Variants in SH2B3 observed in about 807,000 individuals in gnomAD.
SH2B3 encodes the protein SH2B adaptor protein 3.
Under a neutral mutation model 51.9 loss-of-function variants are expected in SH2B3, and 43 were observed. The observed-to-expected ratio is 0.83, with a 90% CI of 0.65 to 1.07. The LOEUF (loss-of-function observed/expected upper bound fraction) is 1.07. SH2B3 is among the 50% of genes least tolerant of loss of function. SH2B3 has a pLI of 0.00. For missense variants in SH2B3, 952 were observed against 834.3 expected (o/e 1.14, Z -1.74); for synonymous variants, 396 against 376.0 (o/e 1.05, Z -0.62).
At chr12:111,433,463 A>C (rs1010986613) in intron 2 of SH2B3, among the ~76,000 whole-genome samples, 1 of 152,214 alleles carries the variant, frequency 6.6e-6, no homozygotes, top group African/African-American at 2.4e-5. Context: ...CAGTTTCTCC[A>C]TGTCCTTGCC....
intron 2 of SH2B3, among the ~76,000 whole-genome samples, chr12:111,445,269 C>G (rs572334821): frequency 6.6e-6 from 1 of 152,294 alleles, no homozygotes; most frequent in Non-Finnish European, 1.5e-5. Flanking sequence ...GGGGGCCAGG[C>G]AGGGCCAACT....
intron 1 of SH2B3, among the ~76,000 whole-genome samples, chr12:111,417,460 T>TTTATTTATTTATTTA (rs373760892): frequency 2.0e-5 from 3 of 147,132 alleles, no homozygotes; most frequent in Non-Finnish European, 3.0e-5. Flanking sequence ...AGGGCCTTTA[T>TTTATTTATTTATTTA]TTTATTTATT....
intron 2 of SH2B3, among the ~76,000 whole-genome samples, chr12:111,422,948 C>G (rs960596817): frequency 6.6e-6 from 1 of 152,190 alleles, no homozygotes; most frequent in African/African-American, 2.4e-5. Flanking sequence ...CTGTCCGCCT[C>G]GGCCTCCCAA....
rs923224333 is a variant in SH2B3, at chr12:111,409,619, G to T, written c.-28+3342G>T. 6.6e-6 allele frequency among the ~76,000 whole-genome samples: 1 copy of T among 152,178 alleles called. No homozygotes were observed. The highest frequency in any genetic ancestry group is 2.1e-4 in the South Asian group (1 of 4,830). ...GCCCAGGGGAAGTGACTCAGCCGGG[G>T]TCACTTGCTGAGTCAGGCCTTATTG... On this transcript the variant is annotated intron_variant, in intron 1 of 7. Coordinates refer to ENST00000341259, the MANE Select transcript of SH2B3 (RefSeq NM_005475.3). This position sits in a 1 kb window ranked among gnomAD's most constrained non-coding sequence, Gnocchi z 4.0.
At position 111,418,345 on chromosome 12, in the gene SH2B3, T is replaced by C; in HGVS notation, c.200T>C (p.Phe67Ser). 6.6e-7 allele frequency: 1 copy of C among 1,523,676 alleles called. No individual in the cohort carries two copies. The highest frequency in any genetic ancestry group is 8.8e-7 in the Non-Finnish European group (1 of 1,141,286). The allele number at this position is 1,523,676 out of a possible 1,614,324, so 94.4% of individuals were successfully genotyped here. A position where few individuals can be genotyped will look rare whatever the true frequency, so the allele number is the denominator to read the frequency against. Residue 67 changes from phenylalanine (F) to serine (S), a missense_variant, in exon 2 of 8, where the codon TTC (phenylalanine) becomes TCC (serine). Physicochemically the swap from Phe to Ser is radical, Grantham distance 155 (BLOSUM62 -2). Coordinates refer to ENST00000341259, the MANE Select transcript of SH2B3 (RefSeq NM_005475.3). The surrounding 1 kb of genome is among the most constrained non-coding windows in gnomAD (Gnocchi z 6.7). ...PLRAELVSLQ[F>S]TDLFQRYFCR... ...CGCGCCGAGCTGGTGTCGCTGCAGT[T>C]CACCGACCTCTTCCAGCGCTACTTC... is the stretch of plus-strand genomic sequence containing the variant.
rs1274972871 is a variant in SH2B3 at position 111,435,489 on chromosome 12, T to G, written c.733-11264T>G. The stretch of plus-strand genomic sequence containing the variant: ...GATTCTCGTGCCTCAGCCTCCTGAG[T>G]AGCTGGGACTACACATGCACCACCA... On this transcript the variant is annotated intron_variant, in intron 2 of 7. Coordinates refer to ENST00000341259, the MANE Select transcript of SH2B3 (RefSeq NM_005475.3). This position sits in a 1 kb window ranked among gnomAD's most constrained non-coding sequence, Gnocchi z 4.8. Among the ~76,000 whole-genome samples the G allele has an allele frequency of 6.6e-6, 1 of 152,194 alleles. No individual in the cohort carries two copies. The highest frequency in any genetic ancestry group is 1.5e-5 in the Non-Finnish European group (1 of 68,032).
chr12:111,439,230 A>G (rs1257079913), intron 2 of SH2B3, among the ~76,000 whole-genome samples: 3 of 147,076 alleles, frequency 2.0e-5, no homozygotes, highest in Admixed American at 6.7e-5. Flanking sequence ...GCTCACCACA[A>G]CCTCTGCCTC....
chr12:111,433,317 C>A (rs1191368497), intron 2 of SH2B3, among the ~76,000 whole-genome samples: 1 of 152,072 alleles, frequency 6.6e-6, no homozygotes, highest in African/African-American at 2.4e-5. Context: ...TGCCATTGCA[C>A]TCCAGCCTGG....
chr12:111,423,002 G>A (rs1442452179), intron 2 of SH2B3, among the ~76,000 whole-genome samples: 2 of 152,058 alleles, frequency 1.3e-5, no homozygotes, highest in African/African-American at 2.4e-5. Flanking sequence ...TGGCCAGGAG[G>A]TCACTTACTT....
chr12:111,432,018 G>A (rs182294731), intron 2 of SH2B3, among the ~76,000 whole-genome samples: 1 of 152,192 alleles, frequency 6.6e-6, no homozygotes, highest in South Asian at 2.1e-4. Flanking sequence ...TTGCAGGCAG[G>A]AGCTTGTGGA....
At position 111,409,513 on chromosome 12, in the gene SH2B3, G is replaced by T. The variant is rs956040933; in HGVS notation, c.-28+3236G>T. Among the ~76,000 whole-genome samples, 1 of 152,186 alleles carries T rather than the reference G, an allele frequency of 6.6e-6. No homozygotes were observed. Among genetic ancestry groups the T allele is most frequent in the Non-Finnish European group, 1.5e-5 (1 of 68,032 alleles). On this transcript the variant is annotated intron_variant, in intron 1 of 7. Coordinates refer to ENST00000341259, the MANE Select transcript of SH2B3 (RefSeq NM_005475.3). The surrounding 1 kb of genome is among the most constrained non-coding windows in gnomAD (Gnocchi z 4.0). ...GACGCCTGCCTCGGCGAGTCCAGAGGTGCAGTGCTAGCTGCTCATTCCCTG... is the reference window on the plus strand; with the variant it reads ...GACGCCTGCCTCGGCGAGTCCAGAGTTGCAGTGCTAGCTGCTCATTCCCTG...
rs543082272 is a variant in SH2B3 at position 111,407,305 on chromosome 12, C to G, written c.-28+1028C>G. Among the ~76,000 whole-genome samples the G allele has an allele frequency of 8.5e-5, 13 of 152,158 alleles. No homozygotes were observed. Among genetic ancestry groups the G allele is most frequent in the Non-Finnish European group, 1.6e-4 (11 of 67,980 alleles). ...GGTGGGGGGTTCAGAGCAGAGGCCC[C>G]GGCAAGGCAATGTCGGCAAGGCCAG... On this transcript the variant is annotated intron_variant, in intron 1 of 7. Transcript: ENST00000341259. This position sits in a 1 kb window ranked among gnomAD's most constrained non-coding sequence, Gnocchi z 4.3.
At chr12:111,428,595 C>T (rs1253767674) in intron 2 of SH2B3, among the ~76,000 whole-genome samples, 1 of 152,190 alleles carries the variant, frequency 6.6e-6, no homozygotes, top group Non-Finnish European at 1.5e-5. Context: ...AGCCCTGGAA[C>T]AAGGCCACTC....
At position 111,448,006 on chromosome 12, in the gene SH2B3, C is replaced by T; in HGVS notation, c.1432C>T (p.Pro478Ser). 4 of 1,612,334 alleles carry T rather than the reference C, an allele frequency of 2.5e-6. No individual in the cohort carries two copies. The highest frequency in any genetic ancestry group is 3.4e-6 in the Non-Finnish European group (4 of 1,178,880). Residue 478 changes from proline (P) to serine (S), a missense_variant, in exon 8 of 8, where the codon CCT (proline) becomes TCT (serine). Coordinates refer to ENST00000341259, the MANE Select transcript of SH2B3 (RefSeq NM_005475.3). ...AGGTTCCTGCAACACGGTCCTCTTC[C>T]CTTTCTCCCTTCCTCACTGGGATTC... ...PPGSCNTVLFPFSLPHWDSES... is the reference protein window; with the variant it reads ...PPGSCNTVLFSFSLPHWDSES...
chr12:111,432,143 C>T (rs1361971260), intron 2 of SH2B3, among the ~76,000 whole-genome samples: 4 of 148,492 alleles, frequency 2.7e-5, no homozygotes, highest in Non-Finnish European at 5.9e-5. Context: ...TTTCCACCTC[C>T]TAGGTTCAAG....
At chr12:111,415,435 G>A (rs1871009468) in intron 1 of SH2B3, among the ~76,000 whole-genome samples, 1 of 152,170 alleles carries the variant, frequency 6.6e-6, no homozygotes, top group South Asian at 2.1e-4. Flanking sequence ...TTGTGCCTAA[G>A]GAAAGGCCCT....
At chr12:111,441,255 G>A (rs1374909269) in intron 2 of SH2B3, among the ~76,000 whole-genome samples, 1 of 151,674 alleles carries the variant, frequency 6.6e-6, no homozygotes, top group African/African-American at 2.4e-5. Flanking sequence ...GCATGTGTCT[G>A]TAATCCCAGC....
intron 2 of SH2B3, among the ~76,000 whole-genome samples, chr12:111,421,591 AT>A (rs1157873090): frequency 2.6e-5 from 4 of 150,960 alleles, no homozygotes; most frequent in Non-Finnish European, 5.9e-5. Context: ...TAATTTTTGT[AT>A]TTTTTGTGGA....
At chr12:111,433,429 C>CA (rs1872635678) in intron 2 of SH2B3, among the ~76,000 whole-genome samples, 1 of 152,190 alleles carries the variant, frequency 6.6e-6, no homozygotes, top group South Asian at 2.1e-4. Flanking sequence ...TTTATATTCC[C>CA]ACCATCATTG....
Sources: gnomAD v4.1 joint callset for allele counts (sites outside exome capture counted in the v4.1 genomes callset) on GRCh38, gnomAD v4.1.1 for gene constraint, Gnocchi (gnomAD v3.1) non-coding constraint, MANE v1.5 for transcripts, NCBI Gene and HGNC (gene_info 2026-07-23, HGNC 2026-07-21) for gene names.